CSMD1: variants seen among roughly 807,000 people sequenced by gnomAD.
CSMD1 encodes CUB and Sushi multiple domains 1, also known as CUB and sushi domain-containing protein 1.
In CSMD1, 213 loss-of-function variants were observed where a neutral mutation model predicts 417.5. The ratio of observed to expected loss-of-function variants is 0.51; its 90% CI spans 0.46 to 0.57. The LOEUF is 0.57. Ranked by LOEUF, CSMD1 falls within the 20% of genes least tolerant of loss-of-function variation. CSMD1 has a pLI of 0.00. For synonymous variants in CSMD1, 2,862 were observed against 1,736.8 expected, an observed-to-expected ratio of 1.65 and a Z score of -16.11; for missense variants, 6,923 against 4,529.7, an observed-to-expected ratio of 1.53 and a Z score of -15.17.
At chr8:4,117,624 T>C (rs1052540494) in intron 3 of CSMD1, among the ~76,000 whole-genome samples, 2 of 152,150 alleles carry the variant, frequency 1.3e-5, no homozygotes, top group Non-Finnish European at 2.9e-5. Flanking sequence ...AGAGAAAAGG[T>C]GTGTTAAAAC....
chr8:2,952,153 A>G (rs1324281530), intron 65 of CSMD1, among the ~76,000 whole-genome samples: 1 of 152,230 alleles, frequency 6.6e-6, no homozygotes, highest in Admixed American at 6.5e-5. Flanking sequence ...TGATTTCAGC[A>G]TTACTCTTTG....
At chr8:4,968,198 T>C (rs1470035084) in intron 1 of CSMD1, among the ~76,000 whole-genome samples, 3 of 152,190 alleles carry the variant, frequency 2.0e-5, no homozygotes, top group East Asian at 3.8e-4. Flanking sequence ...AATTAGATTT[T>C]TGGTATTTTA....
At chr8:4,039,265 T>A (rs548110730) in intron 3 of CSMD1, among the ~76,000 whole-genome samples, 1 of 152,132 alleles carries the variant, frequency 6.6e-6, no homozygotes, top group Non-Finnish European at 1.5e-5. Flanking sequence ...CTTAAGAAAA[T>A]ATAACTCCAA....
At chr8:4,528,485 G>A (rs1187075711) in intron 2 of CSMD1, among the ~76,000 whole-genome samples, 1 of 152,168 alleles carries the variant, frequency 6.6e-6, no homozygotes, top group East Asian at 1.9e-4. Context: ...GTAAGACTTA[G>A]AGGTCAGCTG....
At chr8:3,061,832 G>A (rs569403444) in intron 49 of CSMD1, among the ~76,000 whole-genome samples, 2 of 152,226 alleles carry the variant, frequency 1.3e-5, no homozygotes, top group East Asian at 3.9e-4. Flanking sequence ...CTACAAGATA[G>A]ACTCTATTTT....
At chr8:3,279,352 A>G (rs1355935632) in intron 26 of CSMD1, among the ~76,000 whole-genome samples, 2 of 152,210 alleles carry the variant, frequency 1.3e-5, no homozygotes, top group East Asian at 1.9e-4. Flanking sequence ...ATAGACTGGT[A>G]TTGGACTTCT....
At chr8:4,032,742 T>G (rs1288623262) in intron 3 of CSMD1, among the ~76,000 whole-genome samples, 1 of 152,200 alleles carries the variant, frequency 6.6e-6, no homozygotes, top group Non-Finnish European at 1.5e-5. Context: ...GTTTCAGTGC[T>G]AAGTTTTGAC....
intron 5 of CSMD1, among the ~76,000 whole-genome samples, chr8:3,991,056 C>T (rs544535208): frequency 6.6e-6 from 1 of 152,320 alleles, no homozygotes; most frequent in Admixed American, 6.5e-5. Flanking sequence ...GGGGCTGCAG[C>T]ATCTTTCCCA....
intron 3 of CSMD1, among the ~76,000 whole-genome samples, chr8:4,148,193 T>C (rs1279255513): frequency 6.6e-6 from 1 of 152,038 alleles, no homozygotes; most frequent in Non-Finnish European, 1.5e-5. Context: ...CCACTATAAC[T>C]AACTGTAAGT....
chr8:3,730,044 C>G (rs979925516), intron 6 of CSMD1, among the ~76,000 whole-genome samples: 1 of 150,614 alleles, frequency 6.6e-6, no homozygotes, highest in Admixed American at 6.6e-5. Context: ...GCAAGTGTTT[C>G]CACAGGTCCT....
intron 1 of CSMD1, among the ~76,000 whole-genome samples, chr8:4,837,619 G>T (rs1012700197): frequency 1.3e-5 from 2 of 152,166 alleles, no homozygotes; most frequent in Non-Finnish European, 2.9e-5. Flanking sequence ...GGGAAGGACA[G>T]TAGGGAGTTG....
chr8:3,393,649 G>C (rs1488663882), intron 17 of CSMD1, among the ~76,000 whole-genome samples: 2 of 152,012 alleles, frequency 1.3e-5, no homozygotes, highest in Non-Finnish European at 2.9e-5. Flanking sequence ...CAATGGAATA[G>C]TATGCAACCA....
rs575671026 is a variant in CSMD1, at chr8:4,113,104, G to C, written c.416-81005C>G. ...ACAGTGAACTTAAATGATTAATGTG[G>C]TGTGTGTTCTTACTGTTCCACTCAT... On this transcript the variant is annotated intron_variant, in intron 3 of 69. Coordinates refer to ENST00000635120, the MANE Select transcript of CSMD1 (RefSeq NM_033225.6). 5.7e-4 allele frequency among the ~76,000 whole-genome samples: 87 copies of C among 152,190 alleles called. 2 individuals carry two copies. Among genetic ancestry groups the C allele is most frequent in the African/African-American group, 1.9e-3 (80 of 41,516 alleles).
intron 5 of CSMD1, among the ~76,000 whole-genome samples, chr8:3,991,738 C>G (rs892725883): frequency 6.6e-6 from 1 of 152,074 alleles, no homozygotes. Context: ...TTGAAATTAG[C>G]GATGAAATGT....
chr8:4,596,314 G>C (rs1440944024), intron 2 of CSMD1, among the ~76,000 whole-genome samples: 1 of 152,172 alleles, frequency 6.6e-6, no homozygotes, highest in Non-Finnish European at 1.5e-5. Context: ...TTCAAGATTA[G>C]ATTTAGAGAA....
chr8:4,289,210 T>C (rs1466617896), intron 3 of CSMD1, among the ~76,000 whole-genome samples: 1 of 152,218 alleles, frequency 6.6e-6, no homozygotes, highest in Non-Finnish European at 1.5e-5. Flanking sequence ...TACCAGTTTC[T>C]AGATACCTGT....
intron 1 of CSMD1, among the ~76,000 whole-genome samples, chr8:4,930,560 C>T (rs1362894153): frequency 6.6e-6 from 1 of 152,146 alleles, no homozygotes. Context: ...TATATTCTTT[C>T]TAGTTTAAGA....
At chr8:3,394,789 A>T (rs57507248) in intron 17 of CSMD1, among the ~76,000 whole-genome samples, 3,287 of 152,296 alleles carry the variant, frequency 0.022, 223 homozygotes, top group East Asian at 0.19. Context: ...CCTGGTTCTT[A>T]AATTTTACTT....
At chr8:4,391,224 C>T (rs1020688278) in intron 3 of CSMD1, among the ~76,000 whole-genome samples, 1 of 152,152 alleles carries the variant, frequency 6.6e-6, no homozygotes, top group Non-Finnish European at 1.5e-5. Context: ...GTAAGAAGCA[C>T]TGTGTGCAAA....
Sources: gnomAD v4.1 joint callset for allele counts (sites outside exome capture counted in the v4.1 genomes callset) on GRCh38, gnomAD v4.1.1 for gene constraint, MANE v1.5 for transcripts, NCBI Gene and HGNC (gene_info 2026-07-23, HGNC 2026-07-21) for gene names.